BCKDHB: variants seen among roughly 807,000 people sequenced by gnomAD.
BCKDHB encodes the protein branched chain keto acid dehydrogenase E1 subunit beta, also known as 2-oxoisovalerate dehydrogenase subunit beta, mitochondrial.
In BCKDHB, 41 loss-of-function variants were observed where a neutral mutation model predicts 48.5. That is an observed-to-expected ratio of 0.85 (90% CI 0.66 to 1.10). The LOEUF (loss-of-function observed/expected upper bound fraction) is 1.10. Ranked by LOEUF, BCKDHB falls within the 50% of genes least tolerant of loss-of-function variation. The probability of loss-of-function intolerance (pLI) is 0.00; values close to 1 mark genes in which losing one functional copy is unlikely to be tolerated. For synonymous variants in BCKDHB, 201 were observed against 174.8 expected (o/e 1.15, Z -1.18); for missense variants, 496 against 494.2 (o/e 1.00, Z -0.03).
the BCKDHB span, among the ~76,000 whole-genome samples, chr6:80,352,267 C>A: frequency 6.6e-6 from 1 of 152,086 alleles, no homozygotes; most frequent in African/African-American, 2.4e-5. Context: ...TGTGAGCCAC[C>A]ACACTCAGCT....
At chr6:80,376,620 G>A in the BCKDHB span, among the ~76,000 whole-genome samples, 1 of 152,160 alleles carries the variant, frequency 6.6e-6, no homozygotes, top group African/African-American at 2.4e-5. Flanking sequence ...TGTCTGAGTG[G>A]GAGTTGCAAG....
At chr6:80,326,188 C>T (rs1769023236) in intron 9 of BCKDHB, among the ~76,000 whole-genome samples, 1 of 118,882 alleles carries the variant, frequency 8.4e-6, no homozygotes, top group Admixed American at 1.1e-4. Flanking sequence ...TTTTAAAATA[C>T]CTCAAAATAA....
chr6:80,343,962 GA>G lies in BCKDHB; in HGVS notation c.*166del, dbSNP rs1047542877. The G allele has an allele frequency of 2.8e-5, 26 of 929,496 alleles. No individual in the cohort carries two copies. The highest frequency in any genetic ancestry group is 1.7e-4 in the African/African-American group (10 of 59,148). 57.6% of individuals were successfully genotyped at this position (929,496 alleles called of 1,614,324 possible). On this transcript the variant is annotated 3_prime_UTR_variant, in exon 10 of 10. Coordinates refer to ENST00000320393, the MANE Select transcript of BCKDHB (RefSeq NM_183050.4). ...TTTCAGAAGAAAATAATGTGCTTTA[GA>G]AAAAAAATTCAAATTTATAGTAGTA...
At chr6:80,209,772 C>T (rs374781291) in intron 8 of BCKDHB, among the ~76,000 whole-genome samples, 14 of 151,914 alleles carry the variant, frequency 9.2e-5, no homozygotes, top group African/African-American at 2.9e-4. Flanking sequence ...AAAACACTAA[C>T]GTTAAAAAAG....
intron 9 of BCKDHB, among the ~76,000 whole-genome samples, chr6:80,338,247 C>G (rs1769696873): frequency 6.6e-6 from 1 of 152,194 alleles, no homozygotes; most frequent in African/African-American, 2.4e-5. Flanking sequence ...TTATTCTTGA[C>G]TCTGTTTTTT....
the BCKDHB span, among the ~76,000 whole-genome samples, chr6:80,384,618 A>G: frequency 1.3e-5 from 2 of 152,008 alleles, no homozygotes; most frequent in Non-Finnish European, 2.9e-5. Flanking sequence ...TGGCCTCCCA[A>G]AGTGCTGGGA....
the BCKDHB span, among the ~76,000 whole-genome samples, chr6:80,415,319 G>C: frequency 7.2e-5 from 11 of 152,172 alleles, no homozygotes; most frequent in Admixed American, 3.9e-4. Flanking sequence ...AGTAGTGAGA[G>C]GGCGTCCTCA....
intron 6 of BCKDHB, 102 bp from the exon 7 acceptor site, chr6:80,200,827 CAAAAA>C (rs533521242): frequency 2.0e-5 from 18 of 919,842 alleles, no homozygotes; most frequent in Non-Finnish European, 3.0e-5. Context: ...TTTAGAGAAA[CAAAAA>C]ATAAAATAAA....
rs1203400481 is a variant in BCKDHB at position 80,116,948 on chromosome 6, A to G, written c.196+10059A>G. Among the ~76,000 whole-genome samples, 5 of 152,222 alleles carry G rather than the reference A, an allele frequency of 3.3e-5. No homozygotes were observed. The East Asian group carries it at 7.7e-4, about 23-fold the overall frequency. On this transcript the variant is annotated intron_variant, in intron 1 of 9. Transcript: ENST00000320393. ...ACTATGGCAGACATAAGCATAGTCT[A>G]TGAATAGTCTTTGATGTAACCTCTA...
intron 8 of BCKDHB, among the ~76,000 whole-genome samples, chr6:80,208,935 G>A (rs888850969): frequency 4.6e-5 from 7 of 151,758 alleles, no homozygotes; most frequent in South Asian, 4.1e-4. Flanking sequence ...AATATCAAAC[G>A]TATTTAGGAC....
At chr6:80,125,665 A>G (rs1770305528) in intron 1 of BCKDHB, among the ~76,000 whole-genome samples, 1 of 152,162 alleles carries the variant, frequency 6.6e-6, no homozygotes, top group Non-Finnish European at 1.5e-5. Flanking sequence ...GGAAGCCTGA[A>G]GAAAGGGAGA....
chr6:80,225,114 A>G (rs1388741533), intron 8 of BCKDHB, among the ~76,000 whole-genome samples: 1 of 152,180 alleles, frequency 6.6e-6, no homozygotes, highest in African/African-American at 2.4e-5. Context: ...TAAGCATTCC[A>G]TCCGTTCCTT....
At chr6:80,391,120 T>A in the BCKDHB span, among the ~76,000 whole-genome samples, 2 of 151,888 alleles carry the variant, frequency 1.3e-5, no homozygotes, top group African/African-American at 4.8e-5. Flanking sequence ...CAGGCAGCAT[T>A]CCTCCCTCTG....
the BCKDHB span, among the ~76,000 whole-genome samples, chr6:80,352,413 C>G: frequency 6.6e-6 from 1 of 152,164 alleles, no homozygotes; most frequent in Non-Finnish European, 1.5e-5. Context: ...GTCCCTGCCT[C>G]TAGAGAGTCA....
the BCKDHB span, among the ~76,000 whole-genome samples, chr6:80,455,449 A>G: frequency 2.0e-5 from 3 of 151,388 alleles, no homozygotes; most frequent in South Asian, 6.3e-4. Flanking sequence ...GAAAACTACT[A>G]CTGTTCTTGG....
chr6:80,461,383 A>T, the BCKDHB span, among the ~76,000 whole-genome samples: 5 of 152,084 alleles, frequency 3.3e-5, no homozygotes, highest in Non-Finnish European at 7.4e-5. Context: ...ATCTGGTCAT[A>T]TTCATTGTCA....
At chr6:80,411,283 C>G in the BCKDHB span, among the ~76,000 whole-genome samples, 1 of 152,176 alleles carries the variant, frequency 6.6e-6, no homozygotes, top group Non-Finnish European at 1.5e-5. Context: ...GGCTGCAGAA[C>G]AGCAAGTATT....
At chr6:80,383,449 TA>T in the BCKDHB span, among the ~76,000 whole-genome samples, 1 of 152,106 alleles carries the variant, frequency 6.6e-6, no homozygotes, top group Non-Finnish European at 1.5e-5. Flanking sequence ...GACAATTACA[TA>T]TATAAAATTT....
chr6:80,355,729 T>C, the BCKDHB span: 1 of 152,146 alleles, frequency 6.6e-6, no homozygotes, highest in Middle Eastern at 3.2e-3. Context: ...GCGTGAGGGT[T>C]GCTTTCAAAC....
Sources: allele counts gnomAD v4.1 joint callset (sites outside exome capture counted in the v4.1 genomes callset), GRCh38; gene constraint gnomAD v4.1.1; transcripts MANE v1.5; gene names NCBI Gene and HGNC (gene_info 2026-07-23, HGNC 2026-07-21).